The following WDSUB1 variants were observed in gnomAD, a reference collection of about 807,000 sequenced individuals.
The protein encoded by WDSUB1 is WD repeat, SAM and U-box domain-containing protein 1.
A neutral mutation model predicts 53.9 loss-of-function variants in WDSUB1; 49 were observed. That is an observed-to-expected ratio of 0.91 (90% CI 0.72 to 1.15). The LOEUF is 1.15. Ranked by LOEUF, WDSUB1 falls within the 50% of genes most tolerant of loss-of-function variation. The pLI is 0.00. For missense variants in WDSUB1, 514 were observed against 562.0 expected (o/e 0.91, Z 0.86); for synonymous variants, 194 against 200.6 (o/e 0.97, Z 0.28).
intron 5 of WDSUB1, among the ~76,000 whole-genome samples, chr2:159,261,874 ATATATATATATATATATATATATTT>A (rs1447991788): frequency 1.5e-3 from 21 of 14,048 alleles, no homozygotes; most frequent in Admixed American, 5.8e-3. Context: ...ATATATATAT[ATATATATATATATATATATATATTT>A]TTTTTTTTTT....
chr2:159,255,049 G>A (rs1414657828), intron 9 of WDSUB1, among the ~76,000 whole-genome samples: 1 of 152,144 alleles, frequency 6.6e-6, no homozygotes, highest in East Asian at 1.9e-4. Flanking sequence ...AAGACCACTT[G>A]AGCCTGGGAG....
rs2061698741 is a variant in WDSUB1, at chr2:159,282,919, T to C, written c.151A>G (p.Lys51Glu). 1.2e-6 allele frequency: 2 copies of C among 1,614,032 alleles called. No homozygotes were observed. Among genetic ancestry groups the C allele is most frequent in the African/African-American group, 2.7e-5 (2 of 74,926 alleles). Residue 51 changes from lysine to glutamate, a missense_variant, in exon 2 of 11, where the codon AAG becomes GAG. Transcript: ENST00000359774. ...DFTELPHSPL[K>E]FHTYAVHCCC... is the part of the protein sequence containing the mutation. ...CAGTGGACAGCATAGGTATGAAACT[T>C]CAATGGAGAATGTGGCAGTTCAGTA... is the stretch of plus-strand genomic sequence containing the variant.
chr2:159,268,859 C>T (rs544265242), intron 5 of WDSUB1, among the ~76,000 whole-genome samples: 13 of 151,952 alleles, frequency 8.6e-5, no homozygotes, highest in African/African-American at 3.1e-4. Context: ...AAAAAATTGC[C>T]AAATAGGAAT....
At chr2:159,259,722 T>A in intron 6 of WDSUB1, 88 bp downstream of exon 6, 2 of 1,335,362 alleles carry the variant, frequency 1.5e-6, no homozygotes, top group Non-Finnish European at 2.0e-6. Context: ...AGAAAAAATA[T>A]ATACTTTTTC....
chr2:159,244,830 T>C (rs2060751297), intron 10 of WDSUB1, among the ~76,000 whole-genome samples: 1 of 152,166 alleles, frequency 6.6e-6, no homozygotes, highest in Non-Finnish European at 1.5e-5. Context: ...CTTGGCAGGC[T>C]GAGGCAGAAG....
At position 159,257,995 on chromosome 2, in the gene WDSUB1, A is replaced by T. The variant is rs186260398; in HGVS notation, c.805-10T>A. ...GTATATTCTCAGTATTCTGAAAAAC[A>T]ATAAAAACAGCTTTAAATTTACTCA... On this transcript the variant is annotated splice_polypyrimidine_tract_variant and intron_variant, in intron 6 of 10. Transcript: ENST00000359774. 6.2e-7 allele frequency: 1 copy of T among 1,611,716 alleles called. No individual in the cohort carries two copies. Among genetic ancestry groups the T allele is most frequent in the East Asian group, 2.2e-5 (1 of 44,838 alleles).
At chr2:159,280,685 C>T (rs1179546352) in intron 2 of WDSUB1, among the ~76,000 whole-genome samples, 2 of 7,214 alleles carry the variant, frequency 2.8e-4, no homozygotes, top group African/African-American at 4.9e-4. Context: ...AGCGAGACTC[C>T]GTCTCAAAAA....
At chr2:159,258,090 T>C in intron 6 of WDSUB1, 105 bp from the exon 7 acceptor site, 1 of 927,090 alleles carries the variant, frequency 1.1e-6, no homozygotes, top group South Asian at 1.5e-5. Flanking sequence ...GATATATTAA[T>C]ATTTATTAGT....
intron 9 of WDSUB1, among the ~76,000 whole-genome samples, chr2:159,250,238 T>C (rs1363793311): frequency 6.6e-6 from 1 of 152,224 alleles, no homozygotes; most frequent in Non-Finnish European, 1.5e-5. Flanking sequence ...AGCAGCTTCC[T>C]GCCACCAAAG....
chr2:159,261,886 A>T (rs1558856537), intron 5 of WDSUB1, among the ~76,000 whole-genome samples: 6 of 15,362 alleles, frequency 3.9e-4, no homozygotes, highest in Non-Finnish European at 4.1e-4. Context: ...ATATATATAT[A>T]TATATATATA....
intron 2 of WDSUB1, among the ~76,000 whole-genome samples, chr2:159,280,230 A>G (rs2061626360): frequency 6.6e-6 from 1 of 152,212 alleles, no homozygotes; most frequent in Non-Finnish European, 1.5e-5. Flanking sequence ...ATATTTTTCC[A>G]CAGGGCAAAT....
rs1184147636 is a variant in WDSUB1 at position 159,259,814 on chromosome 2, T to C, written c.800A>G (p.Asp267Gly). 2.6e-6 allele frequency: 4 copies of C among 1,526,300 alleles called. No individual in the cohort carries two copies. Among genetic ancestry groups the C allele is most frequent in the Non-Finnish European group, 3.6e-6 (4 of 1,121,904 alleles). 94.5% of individuals were successfully genotyped at this position (1,526,300 alleles called of 1,614,324 possible). ...GSVDKSVIVY[D>G]TNTENILHTL... is the part of the protein sequence containing the mutation. ...ACAAGATTTTTAAATACTTACAGTA[T>C]CATATACTATGACAGACTTATCCAC... Residue 267 changes from aspartate to glycine, a missense_variant, in exon 6 of 11, where the codon GAT becomes GGT. Physicochemically the swap from Asp to Gly is moderately conservative, Grantham distance 94 (BLOSUM62 -1). Transcript: ENST00000359774.
intron 10 of WDSUB1, among the ~76,000 whole-genome samples, chr2:159,246,013 A>T (rs1041791464): frequency 2.6e-5 from 4 of 152,358 alleles, no homozygotes; most frequent in South Asian, 2.1e-4. Flanking sequence ...CAACACAGTA[A>T]GATAATCCAA....
intron 9 of WDSUB1, among the ~76,000 whole-genome samples, chr2:159,254,455 C>G (rs927286551): frequency 1.3e-5 from 2 of 151,910 alleles, no homozygotes; most frequent in South Asian, 4.2e-4. Flanking sequence ...CAGCTACTCA[C>G]GAGGCCGAGG....
intron 1 of WDSUB1, among the ~76,000 whole-genome samples, chr2:159,284,577 TGATA>T (rs768644628): frequency 6.6e-6 from 1 of 152,186 alleles, no homozygotes; most frequent in Non-Finnish European, 1.5e-5. Context: ...TCATCCTGTC[TGATA>T]AATAGTAAAA....
At chr2:159,270,337 C>G (rs2061423007) in intron 5 of WDSUB1, among the ~76,000 whole-genome samples, 1 of 152,076 alleles carries the variant, frequency 6.6e-6, no homozygotes, top group Admixed American at 6.6e-5. Context: ...CTATATAATC[C>G]TAATTAAAAC....
Position 159,256,253 on chromosome 2 carries a change from C to T in WDSUB1, c.1075G>A (p.Asp359Asn). 1 of 1,610,966 alleles carries T rather than the reference C, an allele frequency of 6.2e-7. No homozygotes were observed. The highest frequency in any genetic ancestry group is 1.1e-5 in the South Asian group (1 of 89,976). Reference protein sequence around the residue: ...LVGIFKMNNIDGKELLNLTKE... With the variant: ...LVGIFKMNNINGKELLNLTKE... ...GTAAGATTCAACAGTTCTTTTCCAT[C>T]AATGTTATTCATCTTGAAAATACCA... is the stretch of plus-strand genomic sequence containing the variant. Residue 359 changes from aspartate (D) to asparagine (N), a missense_variant, in exon 9 of 11, where the codon GAT becomes AAT. Coordinates refer to ENST00000359774, the MANE Select transcript of WDSUB1 (RefSeq NM_001128212.3).
intron 4 of WDSUB1, among the ~76,000 whole-genome samples, chr2:159,275,318 T>C (rs1468490376): frequency 6.6e-6 from 1 of 152,138 alleles, no homozygotes; most frequent in Non-Finnish European, 1.5e-5. Context: ...AAGTGCAAAG[T>C]GGTCACCTCT....
intron 5 of WDSUB1, among the ~76,000 whole-genome samples, chr2:159,261,892 ATATATTTTTTTT>A (rs2061230347): frequency 1.5e-4 from 2 of 13,262 alleles, no homozygotes; most frequent in Non-Finnish European, 2.2e-4. Context: ...ATATATATAT[ATATATTTTTTTT>A]TTTTTTTTTT....
Sources: allele counts gnomAD v4.1 joint callset (sites outside exome capture counted in the v4.1 genomes callset), GRCh38; gene constraint gnomAD v4.1.1; transcripts MANE v1.5; gene names NCBI Gene and HGNC (gene_info 2026-07-23, HGNC 2026-07-21).